SDCCAG8: variants seen among roughly 807,000 people sequenced by gnomAD.
SDCCAG8 encodes SHH signaling and ciliogenesis regulator SDCCAG8.
A neutral mutation model predicts 101.8 loss-of-function variants in SDCCAG8; 74 were observed. The ratio of observed to expected loss-of-function variants is 0.73; its 90% CI spans 0.60 to 0.88. SDCCAG8 has a LOEUF of 0.88. SDCCAG8 is among the 40% of genes least tolerant of loss of function. SDCCAG8 has a pLI of 0.00. For missense variants in SDCCAG8, 787 were observed against 822.6 expected (o/e 0.96, Z 0.53); for synonymous variants, 281 against 292.9 (o/e 0.96, Z 0.41).
At chr1:243,413,288 C>T (rs1558432885) in intron 13 of SDCCAG8, among the ~76,000 whole-genome samples, 1 of 152,228 alleles carries the variant, frequency 6.6e-6, no homozygotes, top group African/African-American at 2.4e-5. Flanking sequence ...TCGCTGCATC[C>T]TCTACCTCTC....
rs199700283 is a variant in SDCCAG8, at chr1:243,359,227, CA to C, written c.1473+14897del. On this transcript the variant is annotated intron_variant, in intron 12 of 17. Coordinates refer to ENST00000366541, the MANE Select transcript of SDCCAG8 (RefSeq NM_006642.5). ...CCTACTTACCCATAGATTTGAGCCACATTCTCTAAAATTGATTTCATTGCTA... is the reference window on the plus strand; with the variant it reads ...CCTACTTACCCATAGATTTGAGCCACTTCTCTAAAATTGATTTCATTGCTA... Among the ~76,000 whole-genome samples the C allele has an allele frequency of 4.3e-3, 657 of 152,268 alleles. 4 individuals are homozygous for C. The highest frequency in any genetic ancestry group is 0.012 in the African/African-American group (515 of 41,550).
chr1:243,289,226 G>T (rs2069965087), intron 5 of SDCCAG8, among the ~76,000 whole-genome samples: 1 of 152,132 alleles, frequency 6.6e-6, no homozygotes, highest in Non-Finnish European at 1.5e-5. Flanking sequence ...GCTGTCTGAG[G>T]TACAAGAACA....
chr1:243,441,858 A>G (rs2082558419), intron 16 of SDCCAG8, among the ~76,000 whole-genome samples: 5 of 152,172 alleles, frequency 3.3e-5, no homozygotes, highest in Admixed American at 3.3e-4. Flanking sequence ...ATTGAGCTTG[A>G]TTCTTTAACA....
intron 17 of SDCCAG8, among the ~76,000 whole-genome samples, chr1:243,498,867 G>GC (rs1466991699): frequency 6.6e-6 from 1 of 152,226 alleles, no homozygotes; most frequent in Admixed American, 6.5e-5. Context: ...TGGGCCCCTG[G>GC]CCCTGCAGTG....
chr1:243,259,171 C>T (rs1392500202), intron 1 of SDCCAG8, among the ~76,000 whole-genome samples: 1 of 151,712 alleles, frequency 6.6e-6, no homozygotes, highest in East Asian at 1.9e-4. Context: ...GAGGCTGGGG[C>T]GGGCGGATCA....
chr1:243,417,106 T>A (rs2080640844), intron 14 of SDCCAG8, among the ~76,000 whole-genome samples: 1 of 152,246 alleles, frequency 6.6e-6, no homozygotes, highest in Admixed American at 6.5e-5. Flanking sequence ...TTGACTCACA[T>A]AATTCCCTCT....
chr1:243,341,366 T>G (rs775914604), intron 11 of SDCCAG8, among the ~76,000 whole-genome samples, 193 bp downstream of exon 11: 1 of 152,198 alleles, frequency 6.6e-6, no homozygotes. Flanking sequence ...AGCCCCTCAG[T>G]GGGTATTGCA....
In SDCCAG8 at chr1:243,499,762, A is replaced by G; in HGVS notation, c.2119A>G (p.Ser707Gly). 1 of 1,612,124 alleles carries G rather than the reference A, an allele frequency of 6.2e-7. No homozygotes were observed. The highest frequency in any genetic ancestry group is 1.1e-5 in the South Asian group (1 of 91,038). Residue 707 changes from serine to glycine, a missense_variant, in exon 18 of 18, where the codon AGC (serine) becomes GGC (glycine). Physicochemically the swap from Ser to Gly is moderately conservative, Grantham distance 56. Coordinates refer to ENST00000366541, the MANE Select transcript of SDCCAG8 (RefSeq NM_006642.5). The stretch of plus-strand genomic sequence containing the variant: ...TTTTTATTATTTTTTCCAGTTACCC[A>G]GCATGCCACAATCTGATTGCTGACC... ...EVDRLRTQLP[S>G]MPQSDC
chr1:243,458,320 T>C lies in SDCCAG8; in HGVS notation c.1986-30694T>C, dbSNP rs1437876642. On this transcript the variant is annotated intron_variant, in intron 16 of 17. Coordinates refer to ENST00000366541, the MANE Select transcript of SDCCAG8 (RefSeq NM_006642.5). The surrounding 1 kb of genome is among the most constrained non-coding windows in gnomAD (Gnocchi z 4.5). ...CACAGTTTGACAGCACCGAATGTTG[T>C]GTTAAGCTTCTTGCTACCATGTAAA... Among the ~76,000 whole-genome samples, 1 of 152,158 alleles carries C rather than the reference T, an allele frequency of 6.6e-6. No homozygotes were observed. Among genetic ancestry groups the C allele is most frequent in the Non-Finnish European group, 1.5e-5 (1 of 68,034 alleles).
chr1:243,489,113 G>T lies in SDCCAG8; in HGVS notation c.2085G>T (p.Ser695=), dbSNP rs1239787306. Residue 695 remains serine, a synonymous_variant, in exon 17 of 18, where the codon TCG becomes TCT. Transcript: ENST00000366541. ...TTCTCCTGGAGAGGCAGAGCCTGTCGGAAGAGGTGGACCGGCTGCGGACCC... is the reference window on the plus strand; with the variant it reads ...TTCTCCTGGAGAGGCAGAGCCTGTCTGAAGAGGTGGACCGGCTGCGGACCC... ...NQLLLERQSL[S]EEVDRLRTQL... is the part of the protein sequence containing the mutation. 6.2e-7 allele frequency: 1 copy of T among 1,612,794 alleles called. No individual in the cohort carries two copies. Among genetic ancestry groups the T allele is most frequent in the African/African-American group, 1.3e-5 (1 of 74,924 alleles).
chr1:243,407,746 T>C (rs1374011406), intron 13 of SDCCAG8, among the ~76,000 whole-genome samples: 1 of 152,194 alleles, frequency 6.6e-6, no homozygotes, highest in Non-Finnish European at 1.5e-5. Flanking sequence ...AGTGACTCAT[T>C]CTCTGATCTG....
Position 243,413,467 on chromosome 1 carries a change from A to G in SDCCAG8, c.1617-2235A>G, listed in dbSNP as rs554867633. On this transcript the variant is annotated intron_variant, in intron 13 of 17. Transcript: ENST00000366541. ...GTGATCTGCCCACCTTGGCCTCCCA[A>G]AGTGCTGGGATTACAGATGTGAGCC... 2.0e-5 allele frequency among the ~76,000 whole-genome samples: 3 copies of G among 152,264 alleles called. 1 individual carries two copies. Among genetic ancestry groups the G allele is most frequent in the Admixed American group, 2.0e-4 (3 of 15,296 alleles).
intron 15 of SDCCAG8, among the ~76,000 whole-genome samples, chr1:243,421,969 C>T (rs1411823729): frequency 6.6e-6 from 1 of 152,142 alleles, no homozygotes; most frequent in African/African-American, 2.4e-5. Context: ...GTGCGGTTTG[C>T]AGTGCTATCT....
intron 4 of SDCCAG8, among the ~76,000 whole-genome samples, chr1:243,280,760 T>C (rs572623459): frequency 6.6e-6 from 1 of 152,316 alleles, no homozygotes; most frequent in South Asian, 2.1e-4. Flanking sequence ...TGATTTCTGG[T>C]TTAATTCCAT....
rs764318612 is a variant in SDCCAG8, at chr1:243,417,954, A to G, written c.1745-14A>G. 2 of 1,566,876 alleles carry G rather than the reference A, an allele frequency of 1.3e-6. No individual in the cohort carries two copies. Among genetic ancestry groups the G allele is most frequent in the Admixed American group, 1.7e-5 (1 of 59,898 alleles). On this transcript the variant is annotated splice_polypyrimidine_tract_variant and intron_variant, in intron 14 of 17. Coordinates refer to ENST00000366541, the MANE Select transcript of SDCCAG8 (RefSeq NM_006642.5). ...AAACATCTTATGTTGGTGGGGGTTT[A>G]TTGTTATTTCTAGAAAATGAACAGT...
At chr1:243,475,805 C>A in intron 16 of SDCCAG8, 1 of 267,724 alleles carries the variant, frequency 3.7e-6, no homozygotes, top group Non-Finnish European at 5.8e-6. Context: ...TGAACGTGTG[C>A]TACTTTTGAA....
At chr1:243,425,240 G>A (rs2081264334) in intron 15 of SDCCAG8, among the ~76,000 whole-genome samples, 1 of 152,088 alleles carries the variant, frequency 6.6e-6, no homozygotes, top group Admixed American at 6.5e-5. Context: ...GCTAATGTAT[G>A]CATAAAGGCT....
At chr1:243,340,526 G>A (rs1180484945) in intron 10 of SDCCAG8, among the ~76,000 whole-genome samples, 1 of 152,100 alleles carries the variant, frequency 6.6e-6, no homozygotes, top group African/African-American at 2.4e-5. Context: ...GGGCGGTTGG[G>A]GTTTTACCAA....
intron 16 of SDCCAG8, among the ~76,000 whole-genome samples, chr1:243,469,331 T>C (rs1660765514): frequency 6.6e-6 from 1 of 152,234 alleles, no homozygotes; most frequent in Admixed American, 6.5e-5. Flanking sequence ...AACTTGTATA[T>C]GTAGCTACCT....
Sources: gnomAD v4.1 joint callset for allele counts (sites outside exome capture counted in the v4.1 genomes callset) on GRCh38, gnomAD v4.1.1 for gene constraint, Gnocchi (gnomAD v3.1) non-coding constraint, MANE v1.5 for transcripts, NCBI Gene and HGNC (gene_info 2026-07-23, HGNC 2026-07-21) for gene names.